Variants in IMPA2 observed in about 807,000 individuals in gnomAD.
IMPA2 encodes inositol monophosphatase 2, also known as IMP 2.
A neutral mutation model predicts 35.1 loss-of-function variants in IMPA2; 32 were observed. That is an observed-to-expected ratio of 0.91 (90% CI 0.69 to 1.23). IMPA2 has a LOEUF of 1.23. Ranked by LOEUF, IMPA2 falls within the 50% of genes most tolerant of loss-of-function variation. The pLI, the probability that IMPA2 is intolerant of heterozygous loss-of-function variation, is 0.00. For missense variants in IMPA2, 334 were observed against 387.6 expected (o/e 0.86, Z 1.16); for synonymous variants, 135 against 160.6 (o/e 0.84, Z 1.20).
At position 12,028,082 on chromosome 18, in the gene IMPA2, A is replaced by G. The variant is rs375602171; in HGVS notation, c.530A>G (p.Lys177Arg). ...TTGGTTCTGACAGAAATTGGCCCCA[A>G]ACGTGACCCTGCGACCCTGAAGCTG... Reference protein sequence around the residue: ...KALVLTEIGPKRDPATLKLFL... With the variant: ...KALVLTEIGPRRDPATLKLFL... Residue 177 changes from lysine (K) to arginine (R), a missense_variant, in exon 6 of 8, where the codon AAA (lysine) becomes AGA (arginine). Transcript: ENST00000269159. 6 of 1,614,060 alleles carry G rather than the reference A, an allele frequency of 3.7e-6. No individual in the cohort carries two copies. The highest frequency in any genetic ancestry group is 4.2e-6 in the Non-Finnish European group (5 of 1,179,972).
At chr18:12,002,358 T>G (rs1359590466) in intron 2 of IMPA2, among the ~76,000 whole-genome samples, 1 of 152,228 alleles carries the variant, frequency 6.6e-6, no homozygotes, top group Non-Finnish European at 1.5e-5. Context: ...AATAACATTT[T>G]TTTAAAAACC....
intron 5 of IMPA2, among the ~76,000 whole-genome samples, chr18:12,022,259 C>T (rs12969751): frequency 0.56 from 85,429 of 151,656 alleles, 28,088 homozygotes; most frequent in Non-Finnish European, 0.74. Flanking sequence ...AGGCCGGGCC[C>T]GGTGGCTCAC....
intron 5 of IMPA2, among the ~76,000 whole-genome samples, chr18:12,020,127 C>T (rs553434164): frequency 2.0e-5 from 3 of 152,194 alleles, no homozygotes; most frequent in Admixed American, 1.3e-4. Flanking sequence ...CCACACGCTT[C>T]GGCCTCAAGT....
Position 12,028,824 on chromosome 18 carries a change from TC to T in IMPA2, c.600-15del. ...GCTCCACTCCCGCCTGCATCTGTCC[TC>T]CCTTCCCTCTCCCCAGGGTCCGAGT... On this transcript the variant is annotated splice_polypyrimidine_tract_variant and intron_variant, in intron 6 of 7. Coordinates refer to ENST00000269159, the MANE Select transcript of IMPA2 (RefSeq NM_014214.3). 2 of 1,612,354 alleles carry T rather than the reference TC, an allele frequency of 1.2e-6. No homozygotes were observed. The highest frequency in any genetic ancestry group is 1.7e-6 in the Non-Finnish European group (2 of 1,179,114).
chr18:12,004,152 C>T (rs1292495773), intron 2 of IMPA2, among the ~76,000 whole-genome samples: 1 of 152,182 alleles, frequency 6.6e-6, no homozygotes, highest in Non-Finnish European at 1.5e-5. Flanking sequence ...CATCCAGCTG[C>T]TTTCCCACTG....
chr18:11,990,987 G>A lies in IMPA2; in HGVS notation c.97-8067G>A, dbSNP rs183678060. ...CAGAACAGCACGGGGCAGAAGAAGC[G>A]CTCTGTAAGCTTGAGCTCAGGCCGT... On this transcript the variant is annotated intron_variant, in intron 1 of 7. Coordinates refer to ENST00000269159, the MANE Select transcript of IMPA2 (RefSeq NM_014214.3). Among the ~76,000 whole-genome samples the A allele has an allele frequency of 2.8e-3, 432 of 152,320 alleles. 2 individuals are homozygous for A. The highest frequency in any genetic ancestry group is 9.9e-3 in the African/African-American group (412 of 41,566).
chr18:12,012,261 C>G (rs760404045), intron 4 of IMPA2, 46 bp downstream of exon 4: 8 of 1,520,356 alleles, frequency 5.3e-6, no homozygotes, highest in Non-Finnish European at 7.3e-6. Context: ...TGGGCTCCCT[C>G]TGGCCATCCT....
intron 1 of IMPA2, among the ~76,000 whole-genome samples, chr18:11,985,017 G>A (rs1418427491): frequency 6.7e-6 from 1 of 148,868 alleles, no homozygotes; most frequent in African/African-American, 2.5e-5. Flanking sequence ...GGTGGCACAC[G>A]CCTGTAATCC....
chr18:12,025,573 A>G (rs766929059), intron 5 of IMPA2, among the ~76,000 whole-genome samples: 1 of 152,104 alleles, frequency 6.6e-6, no homozygotes, highest in Non-Finnish European at 1.5e-5. Flanking sequence ...ACAGATGTGT[A>G]GAGGTGTCTC....
At chr18:12,026,685 G>C (rs1907889634) in intron 5 of IMPA2, among the ~76,000 whole-genome samples, 1 of 152,200 alleles carries the variant, frequency 6.6e-6, no homozygotes, top group Admixed American at 6.5e-5. Flanking sequence ...GGTTTGGAGG[G>C]TAAGGAATGG....
chr18:12,021,521 ATTTCTTT>A (rs1907729518), intron 5 of IMPA2, among the ~76,000 whole-genome samples: 1 of 151,902 alleles, frequency 6.6e-6, no homozygotes, highest in Non-Finnish European at 1.5e-5. Flanking sequence ...GTGAGTACGT[ATTTCTTT>A]TTTCTTTTTC....
In IMPA2 at chr18:12,030,452, G is replaced by T; in HGVS notation, c.861G>T (p.Glu287Asp). Reference sequence around the variant, plus strand: ...CGATTAACTATGGGCGGGATGATGAGAAGTGACTGCGGCTGAGGCAAAGCT... The same window carrying T: ...CGATTAACTATGGGCGGGATGATGATAAGTGACTGCGGCTGAGGCAAAGCT... ...LQTINYGRDD[E>D]K is the part of the protein sequence containing the mutation. The change falls in exon 8 of 8, where the codon GAG (glutamate) becomes GAT (aspartate). Residue 287 changes from glutamate (E) to aspartate (D), a missense_variant. By Grantham distance (45) the Glu-to-Asp change is conservative. Coordinates refer to ENST00000269159, the MANE Select transcript of IMPA2 (RefSeq NM_014214.3). The T allele has an allele frequency of 1.9e-6, 3 of 1,613,736 alleles. No homozygotes were observed. The highest frequency in any genetic ancestry group is 2.2e-5 in the South Asian group (2 of 91,078).
rs1007810259 is a variant in IMPA2 at position 12,012,403 on chromosome 18, G to T, written c.381+188G>T. On this transcript the variant is annotated intron_variant, in intron 4 of 7. Coordinates refer to ENST00000269159, the MANE Select transcript of IMPA2 (RefSeq NM_014214.3). ...AGTCCAGACTGGCTTTGGGGTGTGC[G>T]GGGTGGGGCTCCGTGGCTGGCCCTT... 7 of 605,082 alleles carry T rather than the reference G, an allele frequency of 1.2e-5. No homozygotes were observed. The Admixed American group carries it at 1.2e-4, about 10-fold the overall frequency. 37.5% of individuals were successfully genotyped at this position (605,082 alleles called of 1,614,324 possible). A position where few individuals can be genotyped will look rare whatever the true frequency, so the allele number is the denominator to read the frequency against.
chr18:12,017,549 CT>C, intron 5 of IMPA2: 3 of 360,280 alleles, frequency 8.3e-6, no homozygotes, highest in Non-Finnish European at 1.1e-5. Flanking sequence ...TCTTTGTTGC[CT>C]TTTCACTGGA....
chr18:11,987,305 A>G (rs575617228), intron 1 of IMPA2, among the ~76,000 whole-genome samples: 174 of 152,290 alleles, frequency 1.1e-3, no homozygotes, highest in Middle Eastern at 3.4e-3. Flanking sequence ...TGAGTACATC[A>G]CTATTCATTC....
At chr18:12,012,098 C>A in intron 3 of IMPA2, 72 bp from the exon 4 acceptor site, 1 of 1,449,428 alleles carries the variant, frequency 6.9e-7, no homozygotes, top group South Asian at 1.2e-5. Context: ...TGCGGGGAGC[C>A]GCACAGCACA....
In IMPA2 at chr18:12,010,110, T is replaced by G. The variant is rs1052260409; in HGVS notation, c.335+123T>G. 4 of 611,106 alleles carry G rather than the reference T, an allele frequency of 6.5e-6. No homozygotes were observed. The highest frequency in any genetic ancestry group is 1.2e-5 in the Non-Finnish European group (4 of 346,822). The allele number at this position is 611,106 out of a possible 1,614,324, so 37.9% of individuals were successfully genotyped here. ...TATAAACAAACCTATAGTACACTCA[T>G]AGTCTCATCAGAAAGATGATCAGAT... On this transcript the variant is annotated intron_variant, in intron 3 of 7. Coordinates refer to ENST00000269159, the MANE Select transcript of IMPA2 (RefSeq NM_014214.3). The surrounding 1 kb of genome is among the most constrained non-coding windows in gnomAD (Gnocchi z 4.8).
Position 11,991,332 on chromosome 18 carries a change from G to T in IMPA2, c.97-7722G>T, listed in dbSNP as rs1836080138. Among the ~76,000 whole-genome samples the T allele has an allele frequency of 6.6e-6, 1 of 152,176 alleles. No homozygotes were observed. Reference sequence around the variant, plus strand: ...TAGCCACGAGACTAAAGGAGGCGTTGAGGATTCGAGAGCCTGAGGTGGGCT... The same window carrying T: ...TAGCCACGAGACTAAAGGAGGCGTTTAGGATTCGAGAGCCTGAGGTGGGCT... On this transcript the variant is annotated intron_variant, in intron 1 of 7. Coordinates refer to ENST00000269159, the MANE Select transcript of IMPA2 (RefSeq NM_014214.3). This position sits in a 1 kb window ranked among gnomAD's most constrained non-coding sequence, Gnocchi z 4.1.
chr18:12,022,529 ATATATATATAT>A lies in IMPA2; in HGVS notation c.491-5513_491-5503del, dbSNP rs1396599824. Reference sequence around the variant, plus strand: ...AGAATGGGGCTCCATCTCAAAAAGAATATATATATATATATATATATATATATTTGTGTGTG... The same window carrying A: ...AGAATGGGGCTCCATCTCAAAAAGAAATATATATATATATATTTGTGTGTG... On this transcript the variant is annotated intron_variant, in intron 5 of 7. Transcript: ENST00000269159. Among the ~76,000 whole-genome samples the A allele has an allele frequency of 1.5e-3, 59 of 38,636 alleles. 4 individuals are homozygous for A. Among genetic ancestry groups the A allele is most frequent in the Non-Finnish European group, 4.9e-3 (42 of 8,618 alleles). 25.3% of individuals were successfully genotyped at this position (38,636 alleles called of 152,430 possible).
Sources: allele counts gnomAD v4.1 joint callset (sites outside exome capture counted in the v4.1 genomes callset), GRCh38; gene constraint gnomAD v4.1.1; non-coding constraint Gnocchi (gnomAD v3.1); transcripts MANE v1.5; gene names NCBI Gene and HGNC (gene_info 2026-07-23, HGNC 2026-07-21).